CA8: variants seen among roughly 807,000 people sequenced by gnomAD.
The protein encoded by CA8 is carbonic anhydrase-related protein.
In CA8, 22 loss-of-function variants were observed where a neutral mutation model predicts 41.4. The observed-to-expected ratio is 0.53, with a 90% CI of 0.38 to 0.76. The LOEUF (loss-of-function observed/expected upper bound fraction) is 0.76, where lower values mean the gene tolerates loss of function less well. CA8 is among the 30% of genes least tolerant of loss of function. CA8 has a pLI of 0.00. For synonymous variants in CA8, 121 were observed against 130.6 expected (o/e 0.93, Z 0.50); for missense variants, 270 against 352.8 (o/e 0.77, Z 1.88).
chr8:60,192,479 A>T (rs1276161610), intron 8 of CA8, among the ~76,000 whole-genome samples: 1 of 152,140 alleles, frequency 6.6e-6, no homozygotes, highest in East Asian at 1.9e-4. Flanking sequence ...CTCCAACATA[A>T]ATGTGAAGTA....
At chr8:60,246,981 T>C (rs1359232640) in intron 3 of CA8, among the ~76,000 whole-genome samples, 1 of 148,194 alleles carries the variant, frequency 6.7e-6, no homozygotes, top group African/African-American at 2.5e-5. Flanking sequence ...CCTCCCAGGT[T>C]CACGCCATTC....
intron 7 of CA8, among the ~76,000 whole-genome samples, chr8:60,217,543 C>G (rs1489607366): frequency 1.3e-5 from 2 of 152,294 alleles, no homozygotes; most frequent in East Asian, 3.9e-4. Context: ...CTTTTCTCTC[C>G]CTGAATGATT....
chr8:60,258,563 T>C (rs1042235171), intron 3 of CA8, among the ~76,000 whole-genome samples: 2 of 152,164 alleles, frequency 1.3e-5, no homozygotes, highest in Non-Finnish European at 2.9e-5. Context: ...ATGATTCAAG[T>C]GCATTACATT....
chr8:60,193,983 C>T (rs1191941833), intron 8 of CA8, among the ~76,000 whole-genome samples: 1 of 152,040 alleles, frequency 6.6e-6, no homozygotes, highest in Non-Finnish European at 1.5e-5. Flanking sequence ...ATCTTTTTGC[C>T]TTTTGCTGTA....
chr8:60,225,350 C>T (rs762355707), intron 5 of CA8, among the ~76,000 whole-genome samples: 4 of 152,144 alleles, frequency 2.6e-5, no homozygotes, highest in Non-Finnish European at 5.9e-5. Flanking sequence ...CAAGTCCCTT[C>T]CTGACTCCCT....
rs77554333 is a variant in CA8, at chr8:60,229,194, C to T, written c.514-2259G>A. 3.0e-3 allele frequency among the ~76,000 whole-genome samples: 453 copies of T among 151,950 alleles called. 1 individual carries two copies. Among genetic ancestry groups the T allele is most frequent in the African/African-American group, 0.01 (420 of 41,406 alleles). The stretch of plus-strand genomic sequence containing the variant: ...TTGTTTTTTACTTCTAACTCAATCT[C>T]TCCTTATCTTCCACTGCACCCTCTA... On this transcript the variant is annotated intron_variant, in intron 4 of 8. Transcript: ENST00000317995.
intron 8 of CA8, among the ~76,000 whole-genome samples, chr8:60,192,199 T>A (rs1370699756): frequency 7.4e-6 from 1 of 135,942 alleles, no homozygotes; most frequent in Admixed American, 7.1e-5. Flanking sequence ...CCAGATTAAC[T>A]GAAAAAATGT....
chr8:60,244,947 C>A (rs1277703402), intron 3 of CA8, among the ~76,000 whole-genome samples: 1 of 152,108 alleles, frequency 6.6e-6, no homozygotes, highest in Non-Finnish European at 1.5e-5. Context: ...CAGCCATTAC[C>A]TAAGTGACCT....
At chr8:60,265,901 T>C in intron 3 of CA8, 24 bp downstream of exon 3, 1 of 1,612,930 alleles carries the variant, frequency 6.2e-7, no homozygotes, top group Non-Finnish European at 8.5e-7. Context: ...ACAAGATTTT[T>C]ACAAGATGAT....
rs1464137364 is a variant in CA8 at position 60,189,604 on chromosome 8, G to A, written c.*417C>T. ...GAATTACACTAGTTCTAAAATGAGT[G>A]AATTTTCTGTTGGAGACAGGAAATG... On this transcript the variant is annotated 3_prime_UTR_variant, in exon 9 of 9. Coordinates refer to ENST00000317995, the MANE Select transcript of CA8 (RefSeq NM_004056.6). 6.6e-6 allele frequency: 1 copy of A among 151,494 alleles called. No individual in the cohort carries two copies. Among genetic ancestry groups the A allele is most frequent in the Non-Finnish European group, 1.5e-5 (1 of 67,524 alleles). The allele number at this position is 151,494 out of a possible 1,614,324, so 9.4% of individuals were successfully genotyped here.
In CA8 at chr8:60,231,205, G is replaced by A. The variant is rs540836993; in HGVS notation, c.513+1079C>T. On this transcript the variant is annotated intron_variant, in intron 4 of 8. Transcript: ENST00000317995. ...GATTTCTTTCTAGTTATATAACGCC[G>A]TTATAAAACACAAGGAATATAGGTC... is the stretch of plus-strand genomic sequence containing the variant. Among the ~76,000 whole-genome samples the A allele has an allele frequency of 6.3e-4, 95 of 151,996 alleles. 1 individual carries two copies. Among genetic ancestry groups the A allele is most frequent in the Admixed American group, 8.5e-4 (13 of 15,276 alleles).
At chr8:60,254,207 T>TA (rs1263611672) in intron 3 of CA8, among the ~76,000 whole-genome samples, 2 of 152,238 alleles carry the variant, frequency 1.3e-5, no homozygotes, top group African/African-American at 4.8e-5. Context: ...GCTTTAAACA[T>TA]AGACACTTAA....
chr8:60,279,609 T>G lies in CA8; in HGVS notation c.292+80A>C. 2 of 1,220,972 alleles carry G rather than the reference T, an allele frequency of 1.6e-6. 1 individual carries two copies. The highest frequency in any genetic ancestry group is 3.0e-5 in the African/African-American group (2 of 67,348). 75.6% of individuals were successfully genotyped at this position (1,220,972 alleles called of 1,614,324 possible). ...GATACGTCAGTTGTACTTTTTAAAT[T>G]GTGCAAGTTAAATCACAGTTCAATA... On this transcript the variant is annotated intron_variant, in intron 2 of 8. Coordinates refer to ENST00000317995, the MANE Select transcript of CA8 (RefSeq NM_004056.6).
chr8:60,219,447 C>T (rs570289863), intron 7 of CA8, among the ~76,000 whole-genome samples: 5 of 152,300 alleles, frequency 3.3e-5, no homozygotes. Context: ...TGAGCCACCG[C>T]GCCCGGCCTA....
chr8:60,197,141 C>G (rs920465866), intron 8 of CA8, among the ~76,000 whole-genome samples: 19 of 152,102 alleles, frequency 1.2e-4, no homozygotes, highest in African/African-American at 4.6e-4. Flanking sequence ...CTAGTAATCT[C>G]ATTTCTAAGA....
At chr8:60,218,715 A>G (rs1241698784) in intron 7 of CA8, among the ~76,000 whole-genome samples, 1 of 152,244 alleles carries the variant, frequency 6.6e-6, no homozygotes, top group Non-Finnish European at 1.5e-5. Flanking sequence ...GCTATCTGCA[A>G]CAACAACAAA....
At chr8:60,229,448 G>A (rs1163214812) in intron 4 of CA8, among the ~76,000 whole-genome samples, 1 of 152,086 alleles carries the variant, frequency 6.6e-6, no homozygotes, top group Non-Finnish European at 1.5e-5. Context: ...CATCTTCTAA[G>A]GCTATCACGC....
At chr8:60,259,478 A>T (rs929640826) in intron 3 of CA8, among the ~76,000 whole-genome samples, 1 of 152,232 alleles carries the variant, frequency 6.6e-6, no homozygotes, top group African/African-American at 2.4e-5. Flanking sequence ...CTACTAAAAG[A>T]AATACTAACA....
At chr8:60,262,335 C>CAAAAAA (rs11424117) in intron 3 of CA8, among the ~76,000 whole-genome samples, 2 of 109,318 alleles carry the variant, frequency 1.8e-5, no homozygotes, top group Non-Finnish European at 3.9e-5. Context: ...AGCAAAATGG[C>CAAAAAA]AAAAAAAAAA....
Sources: gnomAD v4.1 joint callset for allele counts (sites outside exome capture counted in the v4.1 genomes callset) on GRCh38, gnomAD v4.1.1 for gene constraint, MANE v1.5 for transcripts, NCBI Gene and HGNC (gene_info 2026-07-23, HGNC 2026-07-21) for gene names.